TRDMT1: variants seen among roughly 807,000 people sequenced by gnomAD.
TRDMT1 encodes tRNA aspartic acid methyltransferase 1, also known as tRNA (cytosine(38)-C(5))-methyltransferase.
A neutral mutation model predicts 51.2 loss-of-function variants in TRDMT1; 49 were observed. The ratio of observed to expected loss-of-function variants is 0.96; its 90% CI spans 0.76 to 1.21. The LOEUF (loss-of-function observed/expected upper bound fraction) is 1.21, where lower values mean the gene tolerates loss of function less well. Among genes scored for constraint, TRDMT1 ranks in the 50% most tolerant of loss-of-function variants. The pLI is 0.00. For synonymous variants in TRDMT1, 187 were observed against 164.6 expected (o/e 1.14, Z -1.04); for missense variants, 534 against 462.3 (o/e 1.16, Z -1.42).
intron 1 of TRDMT1, among the ~76,000 whole-genome samples, chr10:17,197,337 A>C (rs1845586905): frequency 6.6e-6 from 1 of 152,174 alleles, no homozygotes; most frequent in Admixed American, 6.5e-5. Context: ...AACAGCAAAG[A>C]ATGTTACATT....
chr10:17,147,197 A>C lies in TRDMT1; in HGVS notation c.*1843T>G, dbSNP rs1838193454. On this transcript the variant is annotated 3_prime_UTR_variant, in exon 11 of 11. Transcript: ENST00000377799. ...AATATTTCAGCAGTGAACAGAACCT[A>C]CATGAAAGTGTGCCAAAATAATTTG... 2 of 985,726 alleles carry C rather than the reference A, an allele frequency of 2.0e-6. No individual in the cohort carries two copies. The highest frequency in any genetic ancestry group is 9.4e-5 in the South Asian group (2 of 21,292). The allele number at this position is 985,726 out of a possible 1,614,324, so 61.1% of individuals were successfully genotyped here.
intron 1 of TRDMT1, among the ~76,000 whole-genome samples, chr10:17,192,983 C>A: frequency 6.6e-6 from 1 of 152,240 alleles, no homozygotes; most frequent in Middle Eastern, 3.4e-3. Context: ...ATTCCCCTTG[C>A]GAACTGAAAC....
intron 10 of TRDMT1, chr10:17,151,161 T>C (rs1424372145): frequency 2.7e-6 from 2 of 752,414 alleles, no homozygotes; most frequent in African/African-American, 3.8e-5. Flanking sequence ...TAATTGAAGT[T>C]TTTGCCACTG....
rs60051273 is a variant in TRDMT1, at chr10:17,160,481, G to T, written c.390-107C>A. 5,706 of 750,814 alleles carry T rather than the reference G, an allele frequency of 7.6e-3. 185 individuals are homozygous for T. The African/African-American group carries it at 0.081, about 11-fold the overall frequency. The allele number at this position is 750,814 out of a possible 1,614,324, so 46.5% of individuals were successfully genotyped here. On this transcript the variant is annotated intron_variant, in intron 5 of 10. Transcript: ENST00000377799. ...TTTTGTTTGTTTTCTTGTTTTTTTG[G>T]TTTTTTTTGAGACAGAGTCTCACTC...
At chr10:17,155,451 A>T (rs769496952) in intron 8 of TRDMT1, among the ~76,000 whole-genome samples, 9 of 152,122 alleles carry the variant, frequency 5.9e-5, no homozygotes, top group Non-Finnish European at 1.2e-4. Context: ...TGCCATTTTT[A>T]TCAGGCCTGA....
At chr10:17,173,637 G>C (rs1842300828) in intron 2 of TRDMT1, among the ~76,000 whole-genome samples, 1 of 152,078 alleles carries the variant, frequency 6.6e-6, no homozygotes, top group African/African-American at 2.4e-5. Flanking sequence ...GTTGATGATT[G>C]AGTCGAAACT....
chr10:17,149,948 T>C (rs973565219), intron 10 of TRDMT1, among the ~76,000 whole-genome samples: 3 of 152,194 alleles, frequency 2.0e-5, no homozygotes, highest in Non-Finnish European at 2.9e-5. Flanking sequence ...TGAACATTCA[T>C]GTATGTTTTT....
intron 3 of TRDMT1, among the ~76,000 whole-genome samples, chr10:17,167,966 C>G (rs1841436775): frequency 6.6e-6 from 1 of 152,036 alleles, no homozygotes; most frequent in Non-Finnish European, 1.5e-5. Context: ...ATTTGCTCAT[C>G]TGGTAGCAAC....
chr10:17,168,063 G>A (rs1191407868), intron 3 of TRDMT1, among the ~76,000 whole-genome samples: 2 of 152,146 alleles, frequency 1.3e-5, no homozygotes, highest in African/African-American at 4.8e-5. Context: ...AGCACTTTGG[G>A]AGGTCGAGGT....
Position 17,143,986 on chromosome 10 carries a change from G to A in TRDMT1, c.*5054C>T, listed in dbSNP as rs776221812. Reference sequence around the variant, plus strand: ...AAAATGTCCCAGCATGAAGATTCTAGAATAGGACTTAGGAAAACAGCAGAT... The same window carrying A: ...AAAATGTCCCAGCATGAAGATTCTAAAATAGGACTTAGGAAAACAGCAGAT... On this transcript the variant is annotated 3_prime_UTR_variant, in exon 11 of 11. Transcript: ENST00000377799. The A allele has an allele frequency of 6.9e-5, 68 of 985,438 alleles. No homozygotes were observed. The highest frequency in any genetic ancestry group is 5.2e-4 in the Middle Eastern group (1 of 1,914). 61.0% of individuals were successfully genotyped at this position (985,438 alleles called of 1,614,324 possible).
intron 1 of TRDMT1, 180 bp downstream of exon 1, chr10:17,201,391 T>A: frequency 1.8e-6 from 1 of 566,006 alleles, no homozygotes; most frequent in Non-Finnish European, 3.0e-6. Context: ...GGAGTCAGCG[T>A]CTGGAGGGGT....
In TRDMT1 at chr10:17,145,277, C is replaced by CAAAAAAA; in HGVS notation, c.*3756_*3762dup. ...CAAAACAAAACAAAACAAAACAAAA[C>CAAAAAAA]AAAAAAAACAGCAAAGGGAAACTCT... On this transcript the variant is annotated 3_prime_UTR_variant, in exon 11 of 11. Coordinates refer to ENST00000377799, the MANE Select transcript of TRDMT1 (RefSeq NM_004412.7). 1.1e-6 allele frequency: 1 copy of CAAAAAAA among 940,488 alleles called. No homozygotes were observed. The highest frequency in any genetic ancestry group is 1.2e-4 in the East Asian group (1 of 8,354). The allele number at this position is 940,488 out of a possible 1,614,324, so 58.3% of individuals were successfully genotyped here. A position where few individuals can be genotyped will look rare whatever the true frequency, so the allele number is the denominator to read the frequency against.
At chr10:17,153,316 G>T (rs536081009) in intron 10 of TRDMT1, 191 bp downstream of exon 10, 9 of 611,602 alleles carry the variant, frequency 1.5e-5, no homozygotes, top group Admixed American at 1.3e-4. Flanking sequence ...GGGGGAGAAT[G>T]AGTCAGTAGA....
chr10:17,178,580 G>A (rs1209401722), intron 1 of TRDMT1, among the ~76,000 whole-genome samples: 1 of 151,196 alleles, frequency 6.6e-6, no homozygotes, highest in Non-Finnish European at 1.5e-5. Context: ...GGAGGCTGAA[G>A]CAGGAGAATC....
intron 4 of TRDMT1, 129 bp downstream of exon 4, chr10:17,162,037 A>C: frequency 1.3e-6 from 1 of 789,628 alleles, no homozygotes; most frequent in Non-Finnish European, 2.1e-6. Flanking sequence ...GGAGAAGATA[A>C]ATGACAGGCC....
chr10:17,180,605 A>G (rs375060631), intron 1 of TRDMT1, among the ~76,000 whole-genome samples: 11 of 152,292 alleles, frequency 7.2e-5, no homozygotes, highest in African/African-American at 2.6e-4. Context: ...GTGGGAATCA[A>G]CATGAAGTAA....
At position 17,177,180 on chromosome 10, in the gene TRDMT1, T is replaced by TTTTATTTATTTATTTATTTATTTA. The variant is rs60893968; in HGVS notation, c.65-2544_65-2521dup. Reference sequence around the variant, plus strand: ...TATCCTACTTAGAGAAACACATTTATTTTATTTATTTATTTATTTATTTAT... The same window carrying TTTTATTTATTTATTTATTTATTTA: ...TATCCTACTTAGAGAAACACATTTATTTTATTTATTTATTTATTTATTTATTTATTTATTTATTTATTTATTTAT... On this transcript the variant is annotated intron_variant, in intron 1 of 10. Coordinates refer to ENST00000377799, the MANE Select transcript of TRDMT1 (RefSeq NM_004412.7). Among the ~76,000 whole-genome samples the TTTTATTTATTTATTTATTTATTTA allele has an allele frequency of 9.7e-3, 1,370 of 141,526 alleles. 11 individuals carry two copies. Among genetic ancestry groups the TTTTATTTATTTATTTATTTATTTA allele is most frequent in the South Asian group, 0.02 (91 of 4,470 alleles). The allele number at this position is 141,526 out of a possible 152,430, so 92.8% of individuals were successfully genotyped here. A position where few individuals can be genotyped will look rare whatever the true frequency, so the allele number is the denominator to read the frequency against.
Position 17,149,149 on chromosome 10 carries a change from A to T in TRDMT1, c.1076-9T>A, listed in dbSNP as rs2131367079. On this transcript the variant is annotated splice_polypyrimidine_tract_variant and intron_variant, in intron 10 of 10. Coordinates refer to ENST00000377799, the MANE Select transcript of TRDMT1 (RefSeq NM_004412.7). ...TATCTTCTCAGGAAATCCTAAAAAG[A>T]CAAAGAACAATTTAAAGAAATCATT... is the stretch of plus-strand genomic sequence containing the variant. 6.3e-7 allele frequency: 1 copy of T among 1,587,792 alleles called. No homozygotes were observed. The highest frequency in any genetic ancestry group is 1.1e-5 in the South Asian group (1 of 89,626).
chr10:17,195,715 G>C (rs909907708), intron 1 of TRDMT1, among the ~76,000 whole-genome samples: 1 of 152,074 alleles, frequency 6.6e-6, no homozygotes, highest in African/African-American at 2.4e-5. Flanking sequence ...GGAAGTTAAA[G>C]TTCTCTTTTA....
Sources: gnomAD v4.1 joint callset for allele counts (sites outside exome capture counted in the v4.1 genomes callset) on GRCh38, gnomAD v4.1.1 for gene constraint, MANE v1.5 for transcripts, NCBI Gene and HGNC (gene_info 2026-07-23, HGNC 2026-07-21) for gene names.